Variants in DPH6 observed in about 807,000 individuals in gnomAD.
DPH6 encodes the protein diphthine--ammonia ligase.
Under a neutral mutation model 38.2 loss-of-function variants are expected in DPH6, and 33 were observed. That is an observed-to-expected ratio of 0.86 (90% CI 0.65 to 1.15). The LOEUF is 1.15. DPH6 is among the 50% of genes most tolerant of loss of function. DPH6 has a pLI of 0.00. For synonymous variants in DPH6, 108 were observed against 103.0 expected (o/e 1.05, Z -0.30); for missense variants, 325 against 320.0 (o/e 1.02, Z -0.12).
chr15:35,465,092 A>AT (rs1285864268), intron 3 of DPH6, among the ~76,000 whole-genome samples: 2 of 152,206 alleles, frequency 1.3e-5, no homozygotes, highest in African/African-American at 4.8e-5. Flanking sequence ...AACAAGGTAA[A>AT]TTGAAAACAA....
At chr15:35,283,085 CCTTCTTT>C (rs1320001518) in intron 3 of DPH6, 8 of 160,860 alleles carry the variant, frequency 5.0e-5, no homozygotes, top group East Asian at 1.8e-4. Flanking sequence ...TCTTCTTCTT[CCTTCTTT>C]CTTCTTCTTC....
intron 5 of DPH6, among the ~76,000 whole-genome samples, chr15:35,427,940 A>G (rs1453811096): frequency 6.6e-6 from 1 of 152,070 alleles, no homozygotes; most frequent in African/African-American, 2.4e-5. Flanking sequence ...AAAAGAAAAA[A>G]TACACAAAAA....
At chr15:35,457,000 T>G (rs1468465831) in intron 3 of DPH6, among the ~76,000 whole-genome samples, 1 of 152,024 alleles carries the variant, frequency 6.6e-6, no homozygotes, top group African/African-American at 2.4e-5. Flanking sequence ...AGAGTCTCAC[T>G]CCCTCTGCTG....
At chr15:35,382,387 A>G (rs2052881986) in intron 6 of DPH6, among the ~76,000 whole-genome samples, 1 of 152,184 alleles carries the variant, frequency 6.6e-6, no homozygotes, top group African/African-American at 2.4e-5. Context: ...CCGAGTTTGC[A>G]GTGAGCCGAG....
intron 5 of DPH6, among the ~76,000 whole-genome samples, chr15:35,420,134 A>G (rs2053485947): frequency 6.6e-6 from 1 of 152,068 alleles, no homozygotes; most frequent in South Asian, 2.1e-4. Flanking sequence ...AGGAAGAATC[A>G]TGGAAAATTG....
intron 5 of DPH6, among the ~76,000 whole-genome samples, chr15:35,413,595 CA>C (rs904274343): frequency 9.2e-5 from 14 of 151,600 alleles, no homozygotes; most frequent in African/African-American, 3.4e-4. Flanking sequence ...AACACTGTGA[CA>C]CCAGCTTTCT....
At chr15:35,190,403 G>A in the DPH6 span, among the ~76,000 whole-genome samples, 1 of 152,338 alleles carries the variant, frequency 6.6e-6, no homozygotes, top group Non-Finnish European at 1.5e-5. Context: ...GGGGAGTGTT[G>A]ATTGGTTGGG....
chr15:35,528,485 T>C (rs1028173574), intron 3 of DPH6, among the ~76,000 whole-genome samples: 16 of 152,192 alleles, frequency 1.1e-4, no homozygotes, highest in African/African-American at 3.6e-4. Flanking sequence ...TTTATTTAAA[T>C]ACCATCATCA....
intron 3 of DPH6, chr15:35,237,281 G>C: frequency 1.3e-6 from 2 of 1,523,746 alleles, no homozygotes; most frequent in Non-Finnish European, 9.1e-7. Context: ...CCGTGTTATT[G>C]ATTGAATTCC....
intron 1 of DPH6, among the ~76,000 whole-genome samples, chr15:35,543,406 G>C (rs573043285): frequency 2.0e-5 from 3 of 151,482 alleles, no homozygotes; most frequent in Non-Finnish European, 4.4e-5. Flanking sequence ...ATATCACTTA[G>C]TAAAGACAAG....
chr15:35,187,244 T>A, the DPH6 span, among the ~76,000 whole-genome samples: 9 of 152,218 alleles, frequency 5.9e-5, no homozygotes, highest in Non-Finnish European at 1.0e-4. Flanking sequence ...GGCATGATTA[T>A]CCTCATTTTA....
At chr15:35,404,771 G>A (rs977448186) in intron 6 of DPH6, among the ~76,000 whole-genome samples, 2 of 151,970 alleles carry the variant, frequency 1.3e-5, no homozygotes, top group Non-Finnish European at 2.9e-5. Context: ...CCTGGTTGGG[G>A]GGTGGTATTA....
intron 3 of DPH6, among the ~76,000 whole-genome samples, chr15:35,356,628 G>C (rs1405124000): frequency 6.6e-6 from 1 of 152,154 alleles, no homozygotes; most frequent in African/African-American, 2.4e-5. Context: ...GTTGCTGCCT[G>C]ATCATTCCTC....
intron 6 of DPH6, among the ~76,000 whole-genome samples, chr15:35,399,967 G>T (rs1462121612): frequency 6.6e-6 from 1 of 152,144 alleles, no homozygotes; most frequent in African/African-American, 2.4e-5. Flanking sequence ...CAGAAAGAAG[G>T]TAAAGGGAAC....
chr15:35,326,571 A>G (rs935340046), downstream of DPH6, among the ~76,000 whole-genome samples: 2 of 152,062 alleles, frequency 1.3e-5, no homozygotes, highest in Non-Finnish European at 2.9e-5. Flanking sequence ...AGTAGGGACT[A>G]CAGACATGCA....
intron 3 of DPH6, among the ~76,000 whole-genome samples, chr15:35,495,753 C>T (rs770192502): frequency 2.2e-4 from 33 of 152,200 alleles, no homozygotes; most frequent in Non-Finnish European, 4.1e-4. Flanking sequence ...ATAGTTATGG[C>T]ACTCTTAAAA....
chr15:35,491,548 TACACACACACAC>T (rs71309445), intron 3 of DPH6, among the ~76,000 whole-genome samples: 12 of 137,692 alleles, frequency 8.7e-5, no homozygotes, highest in East Asian at 4.4e-4. Context: ...CCAATAGGTG[TACACACACACAC>T]ACACACACAC....
At chr15:35,417,332 T>C (rs1448352029) in intron 5 of DPH6, among the ~76,000 whole-genome samples, 2 of 151,978 alleles carry the variant, frequency 1.3e-5, no homozygotes, top group East Asian at 3.8e-4. Context: ...GCTCTAAGAT[T>C]TTAGTTTTTT....
intron 4 of DPH6, among the ~76,000 whole-genome samples, chr15:35,451,613 G>A (rs1213928366): frequency 1.3e-5 from 2 of 152,274 alleles, no homozygotes; most frequent in Non-Finnish European, 2.9e-5. Context: ...AACCTCGTTT[G>A]AGCCACCATT....
Sources: allele counts gnomAD v4.1 joint callset (sites outside exome capture counted in the v4.1 genomes callset), GRCh38; gene constraint gnomAD v4.1.1; transcripts MANE v1.5; gene names NCBI Gene and HGNC (gene_info 2026-07-23, HGNC 2026-07-21).